The following HEMK2 variants were observed in gnomAD, a reference collection of about 807,000 sequenced individuals.
HEMK2 encodes the protein methyltransferase HEMK2.
At chr21:28,771,050 T>C in the HEMK2 span, among the ~76,000 whole-genome samples, 1 of 152,148 alleles carries the variant, frequency 6.6e-6, no homozygotes, top group South Asian at 2.1e-4. Context: ...ATAGAGCAGT[T>C]ACTTCATGCC....
At chr21:28,717,566 G>A in the HEMK2 span, among the ~76,000 whole-genome samples, 1 of 137,676 alleles carries the variant, frequency 7.3e-6, no homozygotes, top group Non-Finnish European at 1.5e-5. Flanking sequence ...AGCAACATCC[G>A]CCTCCTGGGT....
At chr21:28,772,053 T>C in the HEMK2 span, among the ~76,000 whole-genome samples, 1 of 152,144 alleles carries the variant, frequency 6.6e-6, no homozygotes, top group Non-Finnish European at 1.5e-5. Context: ...GAAAGTGAAA[T>C]TATTTCCATC....
the HEMK2 span, among the ~76,000 whole-genome samples, chr21:28,831,470 A>AAGAACGAAC: frequency 1.9e-4 from 7 of 37,526 alleles, no homozygotes; most frequent in South Asian, 2.6e-3. Context: ...AACGAAAGAA[A>AAGAACGAAC]GAAAGAAAGA....
At chr21:28,774,440 T>G in the HEMK2 span, among the ~76,000 whole-genome samples, 1 of 152,010 alleles carries the variant, frequency 6.6e-6, no homozygotes, top group Non-Finnish European at 1.5e-5. Flanking sequence ...GTTTAAAAAT[T>G]AGCCAGGTGT....
chr21:28,584,857 C>T, the HEMK2 span, among the ~76,000 whole-genome samples: 45 of 151,902 alleles, frequency 3.0e-4, no homozygotes, highest in Non-Finnish European at 1.2e-4. Context: ...CTCTCCAAAA[C>T]AAGAGAACTA....
At chr21:28,861,262 G>A in the HEMK2 span, among the ~76,000 whole-genome samples, 11 of 152,190 alleles carry the variant, frequency 7.2e-5, no homozygotes, top group African/African-American at 2.7e-4. Flanking sequence ...ACTATCAAAG[G>A]CAAGGTGGGC....
the HEMK2 span, among the ~76,000 whole-genome samples, chr21:28,593,623 C>A: frequency 7.2e-5 from 11 of 151,988 alleles, no homozygotes; most frequent in Admixed American, 1.3e-4. Context: ...TAAGGAAGTA[C>A]TCAAAAAAAT....
chr21:28,589,897 A>G, the HEMK2 span, among the ~76,000 whole-genome samples: 1 of 152,192 alleles, frequency 6.6e-6, no homozygotes, highest in African/African-American at 2.4e-5. Context: ...GTCAAAACTC[A>G]GGTGCATAAC....
At chr21:28,743,697 T>C in the HEMK2 span, among the ~76,000 whole-genome samples, 1 of 152,164 alleles carries the variant, frequency 6.6e-6, no homozygotes, top group Admixed American at 6.5e-5. Flanking sequence ...ATCCCATCTC[T>C]GCCTATTAGG....
At chr21:28,722,504 G>C in the HEMK2 span, among the ~76,000 whole-genome samples, 5 of 152,156 alleles carry the variant, frequency 3.3e-5, no homozygotes, top group Non-Finnish European at 7.4e-5. Flanking sequence ...TGAGAGAGTT[G>C]TTTCCATTTA....
At chr21:28,785,741 C>A in the HEMK2 span, among the ~76,000 whole-genome samples, 1 of 152,194 alleles carries the variant, frequency 6.6e-6, no homozygotes, top group Non-Finnish European at 1.5e-5. Context: ...CAGTCATTCC[C>A]TACACATAAA....
the HEMK2 span, among the ~76,000 whole-genome samples, chr21:28,735,958 G>A: frequency 3.3e-5 from 5 of 152,294 alleles, no homozygotes; most frequent in South Asian, 4.2e-4. Context: ...GGGCTTGACC[G>A]GCTCATTGGC....
chr21:28,729,651 C>G, the HEMK2 span, among the ~76,000 whole-genome samples: 1 of 130,220 alleles, frequency 7.7e-6, no homozygotes, highest in African/African-American at 3.1e-5. Context: ...AAAAAAAAAT[C>G]ACAAAAAAAT....
the HEMK2 span, among the ~76,000 whole-genome samples, chr21:28,880,928 T>TAAAAAAA: frequency 9.6e-5 from 10 of 104,428 alleles, no homozygotes; most frequent in East Asian, 1.1e-3. Context: ...ATCATTTATT[T>TAAAAAAA]AAAAAAAAAA....
At chr21:28,636,827 C>A in the HEMK2 span, among the ~76,000 whole-genome samples, 11 of 152,164 alleles carry the variant, frequency 7.2e-5, no homozygotes, top group African/African-American at 2.7e-4. Context: ...GAGAGTACGA[C>A]TCCATCACTT....
chr21:28,689,135 GA>G, the HEMK2 span, among the ~76,000 whole-genome samples: 84,522 of 151,914 alleles, frequency 0.56, 26,178 homozygotes, highest in East Asian at 0.84. Context: ...TAAAATGGCA[GA>G]AAAAAATCAA....
At chr21:28,682,416 G>A in the HEMK2 span, among the ~76,000 whole-genome samples, 40 of 149,058 alleles carry the variant, frequency 2.7e-4, no homozygotes, top group Admixed American at 2.6e-3. Context: ...GTGCTGGAGA[G>A]GATGTGGAGA....
chr21:28,716,323 C>G, the HEMK2 span, among the ~76,000 whole-genome samples: 1 of 152,078 alleles, frequency 6.6e-6, no homozygotes, highest in African/African-American at 2.4e-5. Flanking sequence ...TGTTTTGTAA[C>G]TCTCCTTGAA....
chr21:28,607,460 A>G, the HEMK2 span, among the ~76,000 whole-genome samples: 7 of 152,288 alleles, frequency 4.6e-5, no homozygotes, highest in East Asian at 1.3e-3. Context: ...AATAAATAAA[A>G]TGTTGTTGAG....
Sources: allele counts gnomAD v4.1 joint callset (sites outside exome capture counted in the v4.1 genomes callset), GRCh38; gene constraint gnomAD v4.1.1; transcripts MANE v1.5; gene names NCBI Gene and HGNC (gene_info 2026-07-23, HGNC 2026-07-21).